Variants in KIF2A observed in about 807,000 individuals in gnomAD.
The protein encoded by KIF2A is kinesin-like protein KIF2A.
Under a neutral mutation model 100.2 loss-of-function variants are expected in KIF2A, and 22 were observed. The ratio of observed to expected loss-of-function variants is 0.22; its 90% CI spans 0.16 to 0.31. The LOEUF (loss-of-function observed/expected upper bound fraction) is 0.31. Ranked by LOEUF, KIF2A falls within the 10% of genes least tolerant of loss-of-function variation. The pLI, the probability that KIF2A is intolerant of heterozygous loss-of-function variation, is 1.00. For missense variants in KIF2A, 495 were observed against 898.7 expected (o/e 0.55, Z 5.74); for synonymous variants, 268 against 285.9 (o/e 0.94, Z 0.63).
At chr5:62,313,601 C>G (rs1005967750) in intron 1 of KIF2A, among the ~76,000 whole-genome samples, 1 of 152,116 alleles carries the variant, frequency 6.6e-6, no homozygotes, top group African/African-American at 2.4e-5. Flanking sequence ...GGTCCACCCA[C>G]CTCAGCCTCC....
At chr5:62,324,047 T>TA (rs1746239684) in intron 1 of KIF2A, among the ~76,000 whole-genome samples, 2 of 149,990 alleles carry the variant, frequency 1.3e-5, no homozygotes, top group Admixed American at 6.6e-5. Context: ...AAAAATAAAA[T>TA]AAATAAATAA....
At chr5:62,349,313 AT>A (rs1380905296) in intron 3 of KIF2A, among the ~76,000 whole-genome samples, 3 of 151,436 alleles carry the variant, frequency 2.0e-5, no homozygotes, top group Non-Finnish European at 4.4e-5. Flanking sequence ...TATTAAAAAT[AT>A]TTTTAAAGTA....
intron 12 of KIF2A, among the ~76,000 whole-genome samples, chr5:62,362,754 G>A (rs1352947786): frequency 6.6e-6 from 1 of 152,080 alleles, no homozygotes; most frequent in South Asian, 2.1e-4. Context: ...CAACTTCAGT[G>A]TTGAGAATTC....
chr5:62,322,182 A>C (rs1196030791), intron 1 of KIF2A, among the ~76,000 whole-genome samples: 2 of 152,138 alleles, frequency 1.3e-5, no homozygotes, highest in African/African-American at 4.8e-5. Context: ...CTCCCGTCTC[A>C]GCCTCTCAGA....
At chr5:62,306,576 G>A in intron 1 of KIF2A, 40 bp downstream of exon 1, 2 of 1,503,140 alleles carry the variant, frequency 1.3e-6, no homozygotes. Flanking sequence ...GCTCGGCCCC[G>A]TGTTCGGGTG....
chr5:62,369,192 T>A (rs149130858), intron 16 of KIF2A, among the ~76,000 whole-genome samples: 2 of 152,250 alleles, frequency 1.3e-5, no homozygotes, highest in African/African-American at 4.8e-5. Flanking sequence ...GCAACATGAC[T>A]AACCATCTGG....
chr5:62,319,797 G>A (rs913773498), intron 1 of KIF2A, among the ~76,000 whole-genome samples: 1 of 152,048 alleles, frequency 6.6e-6, no homozygotes, highest in African/African-American at 2.4e-5. Flanking sequence ...TGTTTTTAAT[G>A]TATACTTGTA....
Position 62,388,127 on chromosome 5 carries a change from A to G in KIF2A, c.*2558A>G, listed in dbSNP as rs575549737. 6.6e-6 allele frequency: 1 copy of G among 152,312 alleles called. No individual in the cohort carries two copies. Among genetic ancestry groups the G allele is most frequent in the African/African-American group, 2.4e-5 (1 of 41,576 alleles). 9.4% of individuals were successfully genotyped at this position (152,312 alleles called of 1,614,324 possible). A position where few individuals can be genotyped will look rare whatever the true frequency, so the allele number is the denominator to read the frequency against. On this transcript the variant is annotated 3_prime_UTR_variant, in exon 21 of 21. Transcript: ENST00000407818. ...ACAGTTTTAAAATAGCTTAAAACTA[A>G]GCACCAGGTATATGAAAAAGGAACT...
At chr5:62,385,408 G>C in intron 20 of KIF2A, 76 bp from the exon 21 acceptor site, 4 of 980,308 alleles carry the variant, frequency 4.1e-6, no homozygotes, top group Non-Finnish European at 6.3e-6. Flanking sequence ...CAGCTGACTT[G>C]ATTGAACCCA....
intron 19 of KIF2A, among the ~76,000 whole-genome samples, chr5:62,380,093 ATGTTGGCCC>A (rs945863842): frequency 6.6e-6 from 1 of 152,160 alleles, no homozygotes; most frequent in Non-Finnish European, 1.5e-5. Context: ...GGGTTTCACC[ATGTTGGCCC>A]GGCTGATCTT....
At chr5:62,351,998 A>T (rs1747877707) in intron 4 of KIF2A, among the ~76,000 whole-genome samples, 1 of 152,104 alleles carries the variant, frequency 6.6e-6, no homozygotes, top group Non-Finnish European at 1.5e-5. Flanking sequence ...TACTAAAATT[A>T]CAAAAATGAG....
intron 1 of KIF2A, among the ~76,000 whole-genome samples, chr5:62,340,385 CAGAG>C (rs10544077): frequency 1.3e-5 from 2 of 152,082 alleles, no homozygotes; most frequent in African/African-American, 4.8e-5. Flanking sequence ...AATGGTGAAT[CAGAG>C]AGAGTCAAAG....
intron 1 of KIF2A, among the ~76,000 whole-genome samples, chr5:62,327,337 G>A (rs905024134): frequency 2.0e-5 from 3 of 152,014 alleles, no homozygotes; most frequent in Admixed American, 6.6e-5. Context: ...TCACCCCATC[G>A]CAGTGAAATT....
intron 1 of KIF2A, among the ~76,000 whole-genome samples, chr5:62,314,317 AGC>A (rs1745699336): frequency 6.6e-6 from 1 of 152,096 alleles, no homozygotes; most frequent in African/African-American, 2.4e-5. Flanking sequence ...AAATAAAATT[AGC>A]CAGGCCTGGT....
chr5:62,306,609 C>T (rs1410095888), intron 1 of KIF2A, 73 bp downstream of exon 1: 7 of 1,258,432 alleles, frequency 5.6e-6, no homozygotes, highest in Non-Finnish European at 5.6e-6. Flanking sequence ...ACGCGGGCGC[C>T]GGCCGCCTCA....
At chr5:62,356,844 G>A (rs1048108774) in intron 7 of KIF2A, among the ~76,000 whole-genome samples, 8 of 150,560 alleles carry the variant, frequency 5.3e-5, no homozygotes, top group South Asian at 2.1e-4. Flanking sequence ...GAGGTGGAGT[G>A]GCAGGATCTC....
At chr5:62,313,442 T>A (rs1286745317) in intron 1 of KIF2A, among the ~76,000 whole-genome samples, 1 of 152,104 alleles carries the variant, frequency 6.6e-6, no homozygotes, top group Non-Finnish European at 1.5e-5. Context: ...AACCTCTGCC[T>A]CTTGGGTTCA....
intron 1 of KIF2A, among the ~76,000 whole-genome samples, chr5:62,337,129 T>C (rs753983201): frequency 1.3e-5 from 2 of 152,208 alleles, no homozygotes; most frequent in Non-Finnish European, 2.9e-5. Flanking sequence ...AGTTGAATAA[T>C]CTAATTTCAC....
At chr5:62,379,242 G>A (rs1679972254) in intron 19 of KIF2A, among the ~76,000 whole-genome samples, 1 of 152,120 alleles carries the variant, frequency 6.6e-6, no homozygotes, top group Non-Finnish European at 1.5e-5. Context: ...TAGGTGTTCT[G>A]ACTTTCAACC....
Sources: allele counts gnomAD v4.1 joint callset (sites outside exome capture counted in the v4.1 genomes callset), GRCh38; gene constraint gnomAD v4.1.1; transcripts MANE v1.5; gene names NCBI Gene and HGNC (gene_info 2026-07-23, HGNC 2026-07-21).